CTSB: variants seen among roughly 807,000 people sequenced by gnomAD.
CTSB encodes cathepsin B.
In CTSB, 57 loss-of-function variants were observed where a neutral mutation model predicts 44.3. The ratio of observed to expected loss-of-function variants is 1.29; its 90% CI spans 1.04 to 1.60. The LOEUF (loss-of-function observed/expected upper bound fraction) is 1.60, where lower values mean the gene tolerates loss of function less well. Among genes scored for constraint, CTSB ranks in the 40% most tolerant of loss-of-function variants. The pLI is 0.00. For missense variants in CTSB, 768 were observed against 443.0 expected (o/e 1.73, Z -6.59); for synonymous variants, 320 against 168.0 (o/e 1.91, Z -7.00).
chr8:11,865,645 C>T (rs1264350545), intron 1 of CTSB: 2 of 151,488 alleles, frequency 1.3e-5, no homozygotes, highest in Non-Finnish European at 1.5e-5. Context: ...TCCTCCCTCT[C>T]AATGTTTCAG....
chr8:11,846,633 A>C (rs1037913167), intron 8 of CTSB, among the ~76,000 whole-genome samples: 1 of 152,218 alleles, frequency 6.6e-6, no homozygotes, highest in Non-Finnish European at 1.5e-5. Flanking sequence ...AAAGAGAAAG[A>C]TGAAGAAAAT....
intron 1 of CTSB, among the ~76,000 whole-genome samples, chr8:11,854,500 T>C (rs1815187963): frequency 6.6e-6 from 1 of 152,024 alleles, no homozygotes; most frequent in South Asian, 2.1e-4. Flanking sequence ...CTTTTTTTTT[T>C]TTTTTGAGAC....
At position 11,845,691 on chromosome 8, in the gene CTSB, T is replaced by C; in HGVS notation, c.892A>G (p.Asn298Asp). Residue 298 changes from asparagine to aspartate, a missense_variant, in exon 9 of 10, where the codon AAC (asparagine) becomes GAC (aspartate). Coordinates refer to ENST00000353047, the MANE Select transcript of CTSB (RefSeq NM_001908.5). ...TCACCCCAGTCAGTGTTCCAGGAGT[T>C]GGCAACCAGCCAGTAGGGTGTGCCA... ...ENGTPYWLVANSWNTDWGDNG... is the reference protein window; with the variant it reads ...ENGTPYWLVADSWNTDWGDNG... 1 of 1,613,984 alleles carries C rather than the reference T, an allele frequency of 6.2e-7. No individual in the cohort carries two copies. Among genetic ancestry groups the C allele is most frequent in the African/African-American group, 1.3e-5 (1 of 75,042 alleles).
intron 1 of CTSB, among the ~76,000 whole-genome samples, chr8:11,857,317 C>T (rs1267513089): frequency 2.0e-5 from 3 of 152,200 alleles, no homozygotes; most frequent in South Asian, 2.1e-4. Flanking sequence ...TGGACCTGGC[C>T]CCTAGTGACT....
rs1814036007 is a variant in CTSB at position 11,849,117 on chromosome 8, G to A, written c.375C>T (p.Thr125=). 6.2e-7 allele frequency: 1 copy of A among 1,613,566 alleles called. No homozygotes were observed. Residue 125 remains threonine, a synonymous_variant, in exon 5 of 10, where the codon ACC becomes ACT. Transcript: ENST00000353047. ...EAISDRICIH[T]NAHVSVEVSA... is the part of the protein sequence containing the mutation. ...ACACCTCCACGCTGACGTGCGCATT[G>A]GTGTGGATGCAGATCCGGTCAGAGA...
In CTSB at chr8:11,844,697, C is replaced by A. The variant is rs1200691904; in HGVS notation, c.*428G>T. The A allele has an allele frequency of 6.0e-6, 1 of 165,770 alleles. No homozygotes were observed. The highest frequency in any genetic ancestry group is 1.3e-5 in the Non-Finnish European group (1 of 76,198). 10.3% of individuals were successfully genotyped at this position (165,770 alleles called of 1,614,324 possible). On this transcript the variant is annotated 3_prime_UTR_variant, in exon 10 of 10. Coordinates refer to ENST00000353047, the MANE Select transcript of CTSB (RefSeq NM_001908.5). Reference sequence around the variant, plus strand: ...TTCTCCAAAGGGCTCCCAACACCGTCTCTCCTCTGATTTCTGTGACAAATG... The same window carrying A: ...TTCTCCAAAGGGCTCCCAACACCGTATCTCCTCTGATTTCTGTGACAAATG...
intron 1 of CTSB, among the ~76,000 whole-genome samples, chr8:11,857,354 G>A (rs1159179147): frequency 6.6e-6 from 1 of 152,002 alleles, no homozygotes; most frequent in Admixed American, 6.6e-5. Flanking sequence ...CCTTTTCCGT[G>A]ACTCGTGGGT....
At chr8:11,848,424 C>T (rs1241602938) in intron 5 of CTSB, 5 of 576,378 alleles carry the variant, frequency 8.7e-6, no homozygotes, top group East Asian at 3.4e-5. Context: ...GACCAGGCTA[C>T]GAGTGCCCTT....
At chr8:11,854,039 C>T (rs988888925) in intron 1 of CTSB, among the ~76,000 whole-genome samples, 1 of 151,464 alleles carries the variant, frequency 6.6e-6, no homozygotes, top group African/African-American at 2.5e-5. Context: ...GCCAAGGGCT[C>T]TGCTTCCGGC....
intron 1 of CTSB, among the ~76,000 whole-genome samples, chr8:11,861,005 G>A (rs897308405): frequency 6.6e-6 from 1 of 152,244 alleles, no homozygotes; most frequent in African/African-American, 2.4e-5. Flanking sequence ...TTGTGACCCA[G>A]AGACCTTTCC....
At chr8:11,845,331 T>G (rs1736081) in intron 9 of CTSB, 109 bp from the exon 10 acceptor site, 182,591 of 836,002 alleles carry the variant, frequency 0.22, 22,701 homozygotes, top group Non-Finnish European at 0.26. Flanking sequence ...CTCCTGCTGT[T>G]GGCCCACTAG....
chr8:11,851,361 T>G (rs1814573060), intron 3 of CTSB, among the ~76,000 whole-genome samples: 1 of 151,776 alleles, frequency 6.6e-6, no homozygotes, highest in Non-Finnish European at 1.5e-5. Context: ...GGCTAATTTT[T>G]GTATTTTTAG....
At position 11,847,080 on chromosome 8, in the gene CTSB, C is replaced by T. The variant is rs150126183; in HGVS notation, c.765G>A (p.Val255=). The T allele has an allele frequency of 1.3e-6, 2 of 1,544,394 alleles. No homozygotes were observed. Among genetic ancestry groups the T allele is most frequent in the East Asian group, 2.5e-5 (1 of 40,350 alleles). Reference sequence around the variant, plus strand: ...ACTTGTAGAGCAGGAAGTCCGAATACACAGAGAAAGCTCCCTCCACGGGGC... The same window carrying T: ...ACTTGTAGAGCAGGAAGTCCGAATATACAGAGAAAGCTCCCTCCACGGGGC... ...KNGPVEGAFS[V]YSDFLLYKSG... is the part of the protein sequence containing the mutation. The change falls in exon 8 of 10, where the codon GTG becomes GTA. Residue 255 remains valine, a synonymous_variant. Coordinates refer to ENST00000353047, the MANE Select transcript of CTSB (RefSeq NM_001908.5).
intron 3 of CTSB, among the ~76,000 whole-genome samples, 159 bp from the exon 4 acceptor site, chr8:11,851,139 A>C (rs572242881): frequency 6.6e-6 from 1 of 152,230 alleles, no homozygotes; most frequent in South Asian, 2.1e-4. Context: ...AATTTCATAA[A>C]ACAAAAGGAA....
chr8:11,857,436 G>A (rs1815690794), intron 1 of CTSB, among the ~76,000 whole-genome samples: 2 of 152,164 alleles, frequency 1.3e-5, no homozygotes, highest in African/African-American at 4.8e-5. Flanking sequence ...AGCATGTCTC[G>A]TGGGCAGACA....
Position 11,843,458 on chromosome 8 carries a change from T to G in CTSB, c.*1667A>C, listed in dbSNP as rs73209015. On this transcript the variant is annotated 3_prime_UTR_variant, in exon 10 of 10. Coordinates refer to ENST00000353047, the MANE Select transcript of CTSB (RefSeq NM_001908.5). ...GTACCTTGGCAGGACAGTGGAATGA[T>G]TGCTGGTTCTTCTAGTTTGCTCTAT... is the stretch of plus-strand genomic sequence containing the variant. The G allele has an allele frequency of 6.6e-6, 1 of 152,214 alleles. No individual in the cohort carries two copies. 9.4% of individuals were successfully genotyped at this position (152,214 alleles called of 1,614,324 possible).
intron 3 of CTSB, among the ~76,000 whole-genome samples, chr8:11,852,176 G>A (rs569919433): frequency 1.3e-5 from 2 of 152,124 alleles, no homozygotes; most frequent in East Asian, 3.9e-4. Flanking sequence ...TTCGAGACGA[G>A]CCTGGCCAGT....
intron 5 of CTSB, 122 bp from the exon 6 acceptor site, chr8:11,848,274 C>T (rs753558684): frequency 3.4e-5 from 28 of 826,480 alleles, no homozygotes; most frequent in African/African-American, 5.0e-5. Context: ...GCAAGTGGTG[C>T]GAGCAGACCT....
intron 1 of CTSB, among the ~76,000 whole-genome samples, chr8:11,864,090 C>A (rs368484709): frequency 6.6e-6 from 1 of 152,098 alleles, no homozygotes; most frequent in African/African-American, 2.4e-5. Context: ...ATAAATCTCA[C>A]AACCGTGAGT....
Sources: gnomAD v4.1 joint callset for allele counts (sites outside exome capture counted in the v4.1 genomes callset) on GRCh38, gnomAD v4.1.1 for gene constraint, MANE v1.5 for transcripts, NCBI Gene and HGNC (gene_info 2026-07-23, HGNC 2026-07-21) for gene names.